SIPA1L1: variants seen among roughly 807,000 people sequenced by gnomAD.
SIPA1L1 encodes signal induced proliferation associated 1 like 1.
SIPA1L1 carries 26 observed loss-of-function variants against 162.7 expected under a neutral mutation model. The observed-to-expected ratio is 0.16, with a 90% CI of 0.12 to 0.22. SIPA1L1 has a LOEUF of 0.22. Ranked by LOEUF, SIPA1L1 falls within the 10% of genes least tolerant of loss-of-function variation. The pLI is 1.00. For synonymous variants in SIPA1L1, 829 were observed against 837.4 expected, an observed-to-expected ratio of 0.99 and a Z score of 0.17; for missense variants, 1,874 against 2,241.0, an observed-to-expected ratio of 0.84 and a Z score of 3.31.
At chr14:71,710,068 G>A (rs1444535408) in intron 17 of SIPA1L1, among the ~76,000 whole-genome samples, 3 of 152,190 alleles carry the variant, frequency 2.0e-5, no homozygotes, top group African/African-American at 7.2e-5. Context: ...TCTTTTCTGA[G>A]TAACAGAGCA....
intron 2 of SIPA1L1, among the ~76,000 whole-genome samples, chr14:71,400,340 G>A (rs996230159): frequency 6.6e-6 from 1 of 152,104 alleles, no homozygotes; most frequent in Non-Finnish European, 1.5e-5. Flanking sequence ...TTTAAAAATG[G>A]ATTGAAGGCA....
At chr14:71,618,647 C>A in intron 5 of SIPA1L1, 110 bp from the exon 6 acceptor site, 1 of 961,526 alleles carries the variant, frequency 1.0e-6, no homozygotes, top group Non-Finnish European at 1.5e-6. Context: ...TAAATGTTTA[C>A]ATTTTATTGA....
At chr14:71,695,788 C>G (rs2081581975) in intron 13 of SIPA1L1, among the ~76,000 whole-genome samples, 1 of 152,158 alleles carries the variant, frequency 6.6e-6, no homozygotes, top group Admixed American at 6.5e-5. Flanking sequence ...AAGTGAAACT[C>G]TATTTGAAGT....
chr14:71,369,637 C>T (rs1300169632), intron 2 of SIPA1L1, among the ~76,000 whole-genome samples: 2 of 80,470 alleles, frequency 2.5e-5, no homozygotes, highest in Non-Finnish European at 4.8e-5. Flanking sequence ...GTTGACTTGG[C>T]GATGCGGGCT....
At chr14:71,572,908 T>G (rs1197983992) in intron 4 of SIPA1L1, among the ~76,000 whole-genome samples, 1 of 152,214 alleles carries the variant, frequency 6.6e-6, no homozygotes, top group Non-Finnish European at 1.5e-5. Flanking sequence ...TACACACATG[T>G]GAACATAAAT....
At chr14:71,584,643 T>A (rs1375040427) in intron 4 of SIPA1L1, among the ~76,000 whole-genome samples, 1 of 152,200 alleles carries the variant, frequency 6.6e-6, no homozygotes, top group East Asian at 1.9e-4. Flanking sequence ...GTGAGAGATC[T>A]TGAGTGATGA....
intron 17 of SIPA1L1, 37 bp from the exon 18 acceptor site, chr14:71,723,610 C>T (rs375460031): frequency 6.2e-7 from 1 of 1,610,472 alleles, no homozygotes; most frequent in Non-Finnish European, 8.5e-7. Context: ...ACATAATGAT[C>T]CTGAGATACA....
intron 18 of SIPA1L1, 62 bp downstream of exon 18, chr14:71,723,948 G>A (rs2083992630): frequency 6.3e-7 from 1 of 1,596,460 alleles, no homozygotes; most frequent in Non-Finnish European, 8.6e-7. Flanking sequence ...GAATAGAAAA[G>A]CTTGGCGTGA....
intron 4 of SIPA1L1, among the ~76,000 whole-genome samples, chr14:71,577,822 T>C (rs1446170377): frequency 7.7e-6 from 1 of 129,098 alleles, no homozygotes; most frequent in African/African-American, 3.0e-5. Context: ...GCCCCAAACC[T>C]CTGAGCTCAA....
intron 2 of SIPA1L1, among the ~76,000 whole-genome samples, chr14:71,398,008 AATTTTTTTTTT>A (rs1466247684): frequency 1.1e-5 from 1 of 88,706 alleles, no homozygotes; most frequent in African/African-American, 4.7e-5. Flanking sequence ...CAAAAAAAAA[AATTTTTTTTTT>A]TTTTTTTTTT....
At chr14:71,522,244 G>T (rs1303908050) in intron 3 of SIPA1L1, among the ~76,000 whole-genome samples, 1 of 152,096 alleles carries the variant, frequency 6.6e-6, no homozygotes, top group African/African-American at 2.4e-5. Context: ...TTTCTCTGCT[G>T]CTTTTAAGAT....
chr14:71,470,407 C>T (rs1045840360), intron 2 of SIPA1L1, among the ~76,000 whole-genome samples: 2 of 152,154 alleles, frequency 1.3e-5, no homozygotes, highest in Non-Finnish European at 2.9e-5. Flanking sequence ...TTCAGCAGCG[C>T]CCAAACTTTT....
rs574793209 is a variant in SIPA1L1 at position 71,725,925 on chromosome 14, T to C, written c.4614+1090T>C. Among the ~76,000 whole-genome samples, 91 of 152,344 alleles carry C rather than the reference T, an allele frequency of 6.0e-4. 1 individual carries two copies. Among genetic ancestry groups the C allele is most frequent in the African/African-American group, 1.9e-3 (81 of 41,590 alleles). On this transcript the variant is annotated intron_variant, in intron 19 of 23. Coordinates refer to ENST00000381232, the MANE Select transcript of SIPA1L1 (RefSeq NM_001386936.1). ...TTGAAATGGAAGCTAGAATATTTCC[T>C]AAACCACACACCAGCTTCAGACTGT... is the stretch of plus-strand genomic sequence containing the variant.
rs1555468255 is a variant in SIPA1L1, at chr14:71,589,292, C to G, written c.1420C>G (p.Leu474Val). The G allele has an allele frequency of 6.2e-7, 1 of 1,613,852 alleles. No individual in the cohort carries two copies. Among genetic ancestry groups the G allele is most frequent in the Non-Finnish European group, 8.5e-7 (1 of 1,179,854 alleles). The change falls in exon 5 of 24, where the codon CTA (leucine) becomes GTA (valine). Residue 474 changes from leucine to valine, a missense_variant. By Grantham distance (32) the Leu-to-Val change is conservative. This residue lies in a region of SIPA1L1 where 685 missense variants were observed against 828.0 expected (regional missense o/e 0.83). Transcript: ENST00000381232. ...GCCCAAGGAGAACTTGGTGTTGCACCTAGATAGAGTGAAAAGATACATCGT... is the reference window on the plus strand; with the variant it reads ...GCCCAAGGAGAACTTGGTGTTGCACGTAGATAGAGTGAAAAGATACATCGT... Reference protein sequence around the residue: ...EVPKENLVLHLDRVKRYIVEH... With the variant: ...EVPKENLVLHVDRVKRYIVEH...
At chr14:71,623,597 T>C (rs1347710160) in intron 6 of SIPA1L1, among the ~76,000 whole-genome samples, 1 of 152,242 alleles carries the variant, frequency 6.6e-6, no homozygotes, top group Non-Finnish European at 1.5e-5. Context: ...CCATGCCTTA[T>C]GAAGCTTAAA....
chr14:71,713,854 T>A (rs1376942412), intron 17 of SIPA1L1, among the ~76,000 whole-genome samples: 1 of 152,172 alleles, frequency 6.6e-6, no homozygotes, highest in Non-Finnish European at 1.5e-5. Flanking sequence ...AACATTTCCT[T>A]CTCTAAATCT....
At chr14:71,443,880 T>C (rs991900444) in intron 2 of SIPA1L1, among the ~76,000 whole-genome samples, 1 of 152,178 alleles carries the variant, frequency 6.6e-6, no homozygotes, top group African/African-American at 2.4e-5. Flanking sequence ...TTGCTGCAAA[T>C]AACTTGCATA....
intron 7 of SIPA1L1, among the ~76,000 whole-genome samples, chr14:71,647,986 A>G (rs1369867681): frequency 6.6e-6 from 1 of 152,078 alleles, no homozygotes; most frequent in Non-Finnish European, 1.5e-5. Context: ...GTCAGATTGT[A>G]TGCTGTTTTA....
intron 2 of SIPA1L1, among the ~76,000 whole-genome samples, chr14:71,387,089 A>C (rs913225817): frequency 1.3e-5 from 2 of 151,982 alleles, no homozygotes; most frequent in Non-Finnish European, 2.9e-5. Context: ...TCTCTATTAA[A>C]ATTACAAAAT....
Sources: gnomAD v4.1 joint callset for allele counts (sites outside exome capture counted in the v4.1 genomes callset) on GRCh38, gnomAD v4.1.1 for gene constraint, gnomAD v4.1.1 regional missense constraint, MANE v1.5 for transcripts, NCBI Gene and HGNC (gene_info 2026-07-23, HGNC 2026-07-21) for gene names.